Variants in SARDH observed in about 807,000 individuals in gnomAD.
The protein encoded by SARDH is sarcosine dehydrogenase, mitochondrial.
In SARDH, 95 loss-of-function variants were observed where a neutral mutation model predicts 109.1. That is an observed-to-expected ratio of 0.87 (90% CI 0.74 to 1.03). The LOEUF is 1.03. Ranked by LOEUF, SARDH falls within the 50% of genes least tolerant of loss-of-function variation. The pLI, the probability that SARDH is intolerant of heterozygous loss-of-function variation, is 0.00. For synonymous variants in SARDH, 572 were observed against 534.8 expected, an observed-to-expected ratio of 1.07 and a Z score of -0.96; for missense variants, 1,267 against 1,287.8, an observed-to-expected ratio of 0.98 and a Z score of 0.25.
chr9:133,702,218 G>A (rs769169812), intron 13 of SARDH, among the ~76,000 whole-genome samples: 4 of 152,238 alleles, frequency 2.6e-5, no homozygotes, highest in Non-Finnish European at 5.9e-5. Context: ...CGCTGGCCTC[G>A]CTCCTTCCCG....
chr9:133,659,976 T>TAAGTA (rs555740241), downstream of SARDH, among the ~76,000 whole-genome samples: 31 of 152,128 alleles, frequency 2.0e-4, 1 homozygote, highest in South Asian at 6.2e-3. Context: ...GACTCCCAGA[T>TAAGTA]AAGTACCTCA....
chr9:133,698,710 C>T (rs1446109071), intron 13 of SARDH, among the ~76,000 whole-genome samples: 1 of 152,206 alleles, frequency 6.6e-6, no homozygotes, highest in Non-Finnish European at 1.5e-5. Context: ...GCTGGGCCAA[C>T]TGGGTAGCCA....
intron 19 of SARDH, among the ~76,000 whole-genome samples, chr9:133,668,328 T>TC (rs1830157338): frequency 1.6e-5 from 1 of 63,562 alleles, no homozygotes; most frequent in African/African-American, 6.7e-5. Context: ...ACCCTCCCTC[T>TC]CCCTCTCCCT....
At chr9:133,696,787 T>G (rs1831304020) in intron 13 of SARDH, among the ~76,000 whole-genome samples, 1 of 151,856 alleles carries the variant, frequency 6.6e-6, no homozygotes, top group Non-Finnish European at 1.5e-5. Flanking sequence ...TAAATGAAAA[T>G]GAAAGCACAA....
rs1382903290 is a variant in SARDH, at chr9:133,666,785, T to C, written c.2581A>G (p.Ile861Val). 6.2e-7 allele frequency: 1 copy of C among 1,604,382 alleles called. No individual in the cohort carries two copies. The highest frequency in any genetic ancestry group is 2.2e-5 in the East Asian group (1 of 44,504). Residue 861 changes from isoleucine to valine, a missense_variant, in exon 20 of 21, where the codon ATC (isoleucine) becomes GTC (valine). Transcript: ENST00000439388. The surrounding 1 kb of genome is among the most constrained non-coding windows in gnomAD (Gnocchi z 5.2). ...TAACCGTAGGCGATGGTCTTGTCGATGGCGAACCCAAAGTCAGCCCTCCGG... is the reference window on the plus strand; with the variant it reads ...TAACCGTAGGCGATGGTCTTGTCGACGGCGAACCCAAAGTCAGCCCTCCGG... ...HVRRADFGFA[I>V]DKTIAYGYIH...
Position 133,670,734 on chromosome 9 carries a change from GC to G in SARDH, c.2344del (p.Ala782ArgfsTer102). ...GGGGCTGTCGTCTGGCCGCAGGTCC[GC>G]GTGCCAGTGCCGGTAGCCTGTGGGA... The part of the protein sequence containing the change: ...SIEKGYRHWH[A>X]DLRPDDSPLE... On this transcript the variant is annotated frameshift_variant, in exon 19 of 21. Coordinates refer to ENST00000439388, the MANE Select transcript of SARDH (RefSeq NM_001134707.2). LOFTEE classifies it high-confidence loss of function. The G allele has an allele frequency of 6.3e-7, 1 of 1,585,764 alleles. No homozygotes were observed.
chr9:133,663,147 C>A (rs192809403), downstream of SARDH, among the ~76,000 whole-genome samples: 19 of 152,330 alleles, frequency 1.2e-4, no homozygotes, highest in Admixed American at 1.0e-3. Context: ...GCAGCACGTC[C>A]CTCCTGCCTG....
chr9:133,738,681 G>T (rs1385282395), upstream of SARDH, among the ~76,000 whole-genome samples: 3 of 152,372 alleles, frequency 2.0e-5, no homozygotes, highest in East Asian at 3.9e-4. Flanking sequence ...CTATGCACAG[G>T]CAGGGTGGGC....
intron 8 of SARDH, among the ~76,000 whole-genome samples, chr9:133,714,811 G>C (rs1329969369): frequency 1.3e-5 from 2 of 152,158 alleles, no homozygotes; most frequent in African/African-American, 4.8e-5. Flanking sequence ...CCTGGGCTGG[G>C]TTTGGGGATG....
chr9:133,684,839 A>T (rs969261062), intron 17 of SARDH, among the ~76,000 whole-genome samples: 5 of 152,184 alleles, frequency 3.3e-5, no homozygotes, highest in Non-Finnish European at 7.4e-5. Flanking sequence ...TCCCGTTTCC[A>T]GGAGGTCACT....
chr9:133,681,989 A>C (rs1038916249), intron 17 of SARDH, among the ~76,000 whole-genome samples: 2 of 150,900 alleles, frequency 1.3e-5, no homozygotes, highest in Non-Finnish European at 3.0e-5. Flanking sequence ...GACCTAGGGT[A>C]GCACTGGGCA....
At chr9:133,733,795 TCG>T in intron 2 of SARDH, 46 bp downstream of exon 2, 1 of 1,409,776 alleles carries the variant, frequency 7.1e-7, no homozygotes, top group Non-Finnish European at 9.3e-7. Flanking sequence ...CTGTGGCCCC[TCG>T]CTATGTCCTA....
chr9:133,691,685 C>T (rs746811056), intron 15 of SARDH, among the ~76,000 whole-genome samples: 1 of 152,216 alleles, frequency 6.6e-6, no homozygotes, highest in Non-Finnish European at 1.5e-5. Context: ...TGTAAATCAT[C>T]ACATTCTCTC....
chr9:133,708,449 G>T, intron 10 of SARDH, 21 bp from the exon 11 acceptor site: 1 of 1,600,056 alleles, frequency 6.2e-7, no homozygotes. Flanking sequence ...CAGGGGGACG[G>T]GTCACTGCTT....
chr9:133,739,343 C>T (rs1005308654), upstream of SARDH, among the ~76,000 whole-genome samples: 1 of 152,184 alleles, frequency 6.6e-6, no homozygotes, highest in African/African-American at 2.4e-5. Context: ...TTATTCACAC[C>T]GAGGATGTCC....
chr9:133,659,698 C>G (rs1470807111), downstream of SARDH, among the ~76,000 whole-genome samples: 11 of 152,292 alleles, frequency 7.2e-5, no homozygotes, highest in East Asian at 1.7e-3. Context: ...AGTCACGAGC[C>G]CAGGAGCTCT....
intron 15 of SARDH, 83 bp from the exon 16 acceptor site, chr9:133,690,610 GCT>G: frequency 2.0e-6 from 3 of 1,492,058 alleles, no homozygotes; most frequent in African/African-American, 1.4e-5. Context: ...GGGTCTCCCG[GCT>G]GAGAAAACAA....
rs556453084 is a variant in SARDH, at chr9:133,680,855, C to T, written c.2163+4338G>A. Among the ~76,000 whole-genome samples, 4 of 152,294 alleles carry T rather than the reference C, an allele frequency of 2.6e-5. No homozygotes were observed. In the South Asian group the frequency reaches 6.2e-4, roughly 24 times the overall value. ...CCGGGAGGACAAGGAGGGAGAGGGA[C>T]GAGAAGCCAGTGGGGCTGCGCTCAG... On this transcript the variant is annotated intron_variant, in intron 17 of 20. Coordinates refer to ENST00000439388, the MANE Select transcript of SARDH (RefSeq NM_001134707.2).
At chr9:133,661,985 G>A (rs1276551070), downstream of SARDH, among the ~76,000 whole-genome samples, 1 of 152,222 alleles carries the variant, frequency 6.6e-6, no homozygotes, top group East Asian at 1.9e-4. Flanking sequence ...GTGCACTTGG[G>A]AGCCATGGCG....
Sources: gnomAD v4.1 joint callset for allele counts (sites outside exome capture counted in the v4.1 genomes callset) on GRCh38, gnomAD v4.1.1 for gene constraint, Gnocchi (gnomAD v3.1) non-coding constraint, MANE v1.5 for transcripts, NCBI Gene and HGNC (gene_info 2026-07-23, HGNC 2026-07-21) for gene names.